Variants in RNASE11 observed in about 807,000 individuals in gnomAD.
RNASE11 encodes the protein putative inactive ribonuclease 11.
For missense variants in RNASE11, 252 were observed against 237.8 expected (o/e 1.06, Z -0.39); for synonymous variants, 105 against 86.1 (o/e 1.22, Z -1.21).
At chr14:20,589,621 T>C (rs1225434158), upstream of RNASE11, among the ~76,000 whole-genome samples, 1 of 150,504 alleles carries the variant, frequency 6.6e-6, no homozygotes, top group Non-Finnish European at 1.5e-5. Context: ...GTACAGTGGC[T>C]CACGCCTGTT....
At chr14:20,583,182 T>A (rs1339626155), downstream of RNASE11, 1 of 152,278 alleles carries the variant, frequency 6.6e-6, no homozygotes, top group Non-Finnish European at 1.5e-5. Context: ...TATTCTTCCA[T>A]GGCTTGCCAT....
At chr14:20,590,107 A>G (rs758055190), upstream of RNASE11, 2 of 1,220,072 alleles carry the variant, frequency 1.6e-6, no homozygotes, top group African/African-American at 1.5e-5. Context: ...TATTTTATTG[A>G]AGCAGAATAA....
At chr14:20,582,936 A>G (rs1015658755), downstream of RNASE11, 1 of 152,212 alleles carries the variant, frequency 6.6e-6, no homozygotes, top group Non-Finnish European at 1.5e-5. Context: ...GAACATTAAG[A>G]AAGAGTGGTC....
exon 2 of RNASE11, chr14:20,583,698 A>C: frequency 2.0e-6 from 1 of 506,134 alleles, no homozygotes; most frequent in Non-Finnish European, 3.4e-6. Flanking sequence ...CGCCAGTATC[A>C]GTCATAACTT....
upstream of RNASE11, chr14:20,588,250 GAGA>G (rs1461018914): frequency 2.0e-5 from 3 of 152,174 alleles, no homozygotes; most frequent in East Asian, 1.9e-4. Context: ...CTAATGAATA[GAGA>G]AGAAGAGGAC....
At chr14:20,584,863 A>G (rs1297828678) in intron 1 of RNASE11, among the ~76,000 whole-genome samples, 2 of 152,194 alleles carry the variant, frequency 1.3e-5, no homozygotes, top group Admixed American at 1.3e-4. Flanking sequence ...GTGGGTCACG[A>G]TTCTCACTCA....
chr14:20,589,896 A>G (rs575447132), upstream of RNASE11, among the ~76,000 whole-genome samples: 18 of 152,154 alleles, frequency 1.2e-4, no homozygotes, highest in Non-Finnish European at 2.6e-4. Flanking sequence ...TCAAAAAAAG[A>G]AAAAGGAAAC....
At chr14:20,588,876 T>C (rs541072821), upstream of RNASE11, among the ~76,000 whole-genome samples, 7 of 151,786 alleles carry the variant, frequency 4.6e-5, no homozygotes, top group Admixed American at 2.0e-4. Context: ...AACCTCCACC[T>C]CCCAGGTTCA....
chr14:20,585,246 G>A (rs116618099), intron 1 of RNASE11: 3,227 of 168,246 alleles, frequency 0.019, 108 homozygotes, highest in African/African-American at 0.073. Flanking sequence ...TTTGGCAGTC[G>A]GAATCCCAAT....
Position 20,587,526 on chromosome 14 carries a change from C to T in RNASE11, c.-23+37G>A, listed in dbSNP as rs912845702. On this transcript the variant is annotated intron_variant, in intron 1 of 1. Transcript: ENST00000553849. ...AAGTTTTGCCCAAAAAATGATGCTA[C>T]CAAGGCCCAACAAATCATGTGCTAG... The T allele has an allele frequency of 5.1e-6, 5 of 980,452 alleles. No homozygotes were observed. In the African/African-American group the frequency reaches 8.8e-5, roughly 17 times the overall value. 60.7% of individuals were successfully genotyped at this position (980,452 alleles called of 1,614,324 possible).
upstream of RNASE11, chr14:20,590,025 A>C: frequency 1.7e-6 from 1 of 603,346 alleles, no homozygotes. Context: ...CCTGTTTCTC[A>C]TCAAAGGACC....
chr14:20,587,791 CT>C, upstream of RNASE11: 1 of 985,576 alleles, frequency 1.0e-6, no homozygotes, highest in Non-Finnish European at 1.2e-6. Flanking sequence ...ACGCCCCCTC[CT>C]AAATCTGATC....
At chr14:20,584,158 T>C (rs1475950631) in exon 2 of RNASE11, 1 of 1,614,078 alleles carries the variant, frequency 6.2e-7, no homozygotes, top group Non-Finnish European at 8.5e-7. Flanking sequence ...TTCTGAAACT[T>C]TTCTCCAGAC....
upstream of RNASE11, chr14:20,588,404 G>A (rs74650552): frequency 0.097 from 14,750 of 152,272 alleles, 900 homozygotes; most frequent in Non-Finnish European, 0.14. Context: ...AGAGTTAGTA[G>A]TCCGGCTCAA....
At chr14:20,585,355 A>C (rs1209103958) in intron 1 of RNASE11, among the ~76,000 whole-genome samples, 1 of 152,320 alleles carries the variant, frequency 6.6e-6, no homozygotes, top group African/African-American at 2.4e-5. Context: ...ACCCTACAGC[A>C]CAGATTAAGT....
chr14:20,583,702 A>G (rs1421827958), exon 2 of RNASE11: 2 of 554,202 alleles, frequency 3.6e-6, no homozygotes, highest in East Asian at 3.2e-5. Context: ...AGTATCAGTC[A>G]TAACTTTTAA....
intron 1 of RNASE11, among the ~76,000 whole-genome samples, chr14:20,585,930 C>A (rs1884425313): frequency 6.6e-6 from 1 of 151,980 alleles, no homozygotes; most frequent in Non-Finnish European, 1.5e-5. Flanking sequence ...TTTTTATGTT[C>A]CACCTCTAAA....
intron 1 of RNASE11, among the ~76,000 whole-genome samples, chr14:20,584,756 C>T (rs117423388): frequency 1.4e-4 from 22 of 152,128 alleles, no homozygotes; most frequent in Admixed American, 3.3e-4. Flanking sequence ...GTGAGAATTA[C>T]GTAAGGTGAC....
At chr14:20,584,341 T>C in exon 2 of RNASE11, 1 of 1,614,220 alleles carries the variant, frequency 6.2e-7, no homozygotes, top group Non-Finnish European at 8.5e-7. Context: ...GGTCTGTTTT[T>C]CTTGGCCACT....
Sources: gnomAD v4.1 joint callset for allele counts (sites outside exome capture counted in the v4.1 genomes callset) on GRCh38, gnomAD v4.1.1 for gene constraint, MANE v1.5 for transcripts, NCBI Gene and HGNC (gene_info 2026-07-23, HGNC 2026-07-21) for gene names.